TPTE2: variants seen among roughly 807,000 people sequenced by gnomAD.
TPTE2 encodes transmembrane phosphoinositide 3-phosphatase and tensin homolog 2.
Under a neutral mutation model 78.6 loss-of-function variants are expected in TPTE2, and 53 were observed. The ratio of observed to expected loss-of-function variants is 0.67; its 90% confidence interval spans 0.54 to 0.85. TPTE2 has a LOEUF of 0.85. Among genes scored for constraint, TPTE2 ranks in the 40% least tolerant of loss-of-function variants. The probability of loss-of-function intolerance (pLI) is 0.00; values close to 1 mark genes in which losing one functional copy is unlikely to be tolerated. For synonymous variants in TPTE2, 175 were observed against 206.2 expected (o/e 0.85, Z 1.30); for missense variants, 461 against 623.0 (o/e 0.74, Z 2.77).
At chr13:19,426,999 C>T (rs991062832) in intron 17 of TPTE2, among the ~76,000 whole-genome samples, 3 of 150,740 alleles carry the variant, frequency 2.0e-5, no homozygotes, top group Non-Finnish European at 2.9e-5. Flanking sequence ...CCACTGCACC[C>T]GGCCTGTTGT....
intron 1 of TPTE2, among the ~76,000 whole-genome samples, chr13:19,510,540 C>T (rs1869364990): frequency 6.6e-6 from 1 of 152,114 alleles, no homozygotes; most frequent in Non-Finnish European, 1.5e-5. Flanking sequence ...TTCCAAACAC[C>T]TTCCATTAGG....
the TPTE2 span, among the ~76,000 whole-genome samples, chr13:19,554,410 T>C: frequency 1.9e-5 from 2 of 103,120 alleles, no homozygotes; most frequent in Non-Finnish European, 4.7e-5. Context: ...ATATAAAAAA[T>C]AAAATAAAAT....
the TPTE2 span, chr13:19,561,090 C>A: frequency 1.9e-6 from 3 of 1,597,856 alleles, no homozygotes; most frequent in Non-Finnish European, 2.6e-6. Context: ...CCAGCCCCCT[C>A]CCCATCCTCC....
chr13:19,438,607 A>T (rs1255169753), intron 13 of TPTE2: 1 of 191,040 alleles, frequency 5.2e-6, no homozygotes, highest in Admixed American at 6.5e-5. Flanking sequence ...TTTCAAAGTG[A>T]ATTCAGCAAT....
rs550297164 is a variant in TPTE2 at position 19,446,438 on chromosome 13, G to C, written c.973+3638C>G. On this transcript the variant is annotated intron_variant, in intron 13 of 19. Coordinates refer to ENST00000400230, the Ensembl canonical transcript of TPTE2. ...AATAGCATGCAATTGATGGTGTTAG[G>C]ACAATTGGCTATCTATATGAAAAAA... Among the ~76,000 whole-genome samples, 78 of 152,176 alleles carry C rather than the reference G, an allele frequency of 5.1e-4. 2 individuals carry two copies. In the South Asian group the frequency reaches 0.013, roughly 25 times the overall value.
the TPTE2 span, among the ~76,000 whole-genome samples, chr13:19,547,568 C>T: frequency 6.6e-6 from 1 of 151,816 alleles, no homozygotes; most frequent in African/African-American, 2.4e-5. Flanking sequence ...AAAGGATCTA[C>T]TATAGCTCCA....
chr13:19,430,770 A>C (rs1876523448), intron 16 of TPTE2, among the ~76,000 whole-genome samples: 1 of 152,202 alleles, frequency 6.6e-6, no homozygotes, highest in South Asian at 2.1e-4. Context: ...AAGAGAAAAG[A>C]ATACATATAG....
At chr13:19,528,951 T>C (rs1870694010) in intron 1 of TPTE2, among the ~76,000 whole-genome samples, 2 of 151,872 alleles carry the variant, frequency 1.3e-5, no homozygotes, top group Admixed American at 1.3e-4. Context: ...AAACCCTGTC[T>C]CTACTAAAAA....
chr13:19,478,321 A>T (rs922412671), intron 4 of TPTE2, among the ~76,000 whole-genome samples: 1 of 152,090 alleles, frequency 6.6e-6, no homozygotes, highest in Non-Finnish European at 1.5e-5. Flanking sequence ...CAAGAAAAAA[A>T]CAAACAACCC....
At chr13:19,469,450 G>C (rs1879477170) in intron 6 of TPTE2, among the ~76,000 whole-genome samples, 1 of 152,120 alleles carries the variant, frequency 6.6e-6, no homozygotes, top group Non-Finnish European at 1.5e-5. Context: ...TTTGAAGTCA[G>C]GTAATGTGAT....
upstream of TPTE2, among the ~76,000 whole-genome samples, chr13:19,538,728 G>T (rs1283671219): frequency 6.6e-6 from 1 of 151,796 alleles, no homozygotes; most frequent in African/African-American, 2.4e-5. Flanking sequence ...TGTTGGCTAA[G>T]CTGGTCTTGA....
the TPTE2 span, chr13:19,560,450 G>T: frequency 6.2e-7 from 1 of 1,607,782 alleles, no homozygotes; most frequent in Non-Finnish European, 8.5e-7. Context: ...TCCTGCAGTG[G>T]CAGTGAGCGC....
chr13:19,526,512 C>T (rs1870506104), intron 1 of TPTE2, among the ~76,000 whole-genome samples: 2 of 151,646 alleles, frequency 1.3e-5, no homozygotes, highest in Admixed American at 6.6e-5. Context: ...GGGAGTTAAA[C>T]ATTGAGTACA....
At chr13:19,492,782 G>A (rs1350643728) in intron 3 of TPTE2, 68 bp downstream of exon 6, 14 of 1,588,494 alleles carry the variant, frequency 8.8e-6, no homozygotes, top group Non-Finnish European at 1.2e-5. Flanking sequence ...ATTTGTGTAT[G>A]TGCTTGGTGT....
chr13:19,436,415 T>G, intron 14 of TPTE2, 109 bp from the exon 18 acceptor site: 1 of 1,057,580 alleles, frequency 9.5e-7, no homozygotes, highest in Non-Finnish European at 1.4e-6. Flanking sequence ...GTCAGTGATT[T>G]TGTTTGTTTG....
At chr13:19,498,823 T>A (rs991267267) in intron 1 of TPTE2, among the ~76,000 whole-genome samples, 5 of 151,848 alleles carry the variant, frequency 3.3e-5, no homozygotes, top group African/African-American at 1.2e-4. Context: ...GTAAATGGAC[T>A]AAATGCTCCA....
intron 1 of TPTE2, among the ~76,000 whole-genome samples, chr13:19,501,924 C>A (rs1185503665): frequency 6.6e-6 from 1 of 151,080 alleles, no homozygotes; most frequent in East Asian, 1.9e-4. Flanking sequence ...TATCCAGAAT[C>A]TACAATGAAC....
chr13:19,529,736 C>T (rs1870747002), intron 1 of TPTE2, among the ~76,000 whole-genome samples: 1 of 152,170 alleles, frequency 6.6e-6, no homozygotes, highest in South Asian at 2.1e-4. Context: ...TTACTACAAG[C>T]TCACCTAGAG....
chr13:19,542,760 T>G, the TPTE2 span, among the ~76,000 whole-genome samples: 1 of 152,132 alleles, frequency 6.6e-6, no homozygotes, highest in African/African-American at 2.4e-5. Flanking sequence ...TTTGGGGGTC[T>G]GAGCAGGAGA....
Sources: gnomAD v4.1 joint callset for allele counts (sites outside exome capture counted in the v4.1 genomes callset) on GRCh38, gnomAD v4.1.1 for gene constraint, MANE v1.5 for transcripts, NCBI Gene and HGNC (gene_info 2026-07-23, HGNC 2026-07-21) for gene names.